The following AGFG1 variants were observed in gnomAD, a reference collection of about 807,000 sequenced individuals.
AGFG1 encodes arf-GAP domain and FG repeat-containing protein 1.
Under a neutral mutation model 60.6 loss-of-function variants are expected in AGFG1, and 10 were observed. The observed-to-expected ratio is 0.16, with a 90% CI of 0.10 to 0.28. AGFG1 has a LOEUF of 0.28. Ranked by LOEUF, AGFG1 falls within the 10% of genes least tolerant of loss-of-function variation. The probability of loss-of-function intolerance (pLI) is 1.00; values close to 1 mark genes in which losing one functional copy is unlikely to be tolerated. For missense variants in AGFG1, 537 were observed against 676.5 expected, an observed-to-expected ratio of 0.79 and a Z score of 2.29; for synonymous variants, 247 against 242.9, an observed-to-expected ratio of 1.02 and a Z score of -0.16.
rs1691894441 is a variant in AGFG1 at position 227,523,784 on chromosome 2, C to G, written c.399C>G (p.Ala133=). 1.9e-6 allele frequency: 3 copies of G among 1,613,078 alleles called. No individual in the cohort carries two copies. The highest frequency in any genetic ancestry group is 2.7e-5 in the African/African-American group (2 of 74,818). The change falls in exon 4 of 13, where the codon GCC becomes GCG. Residue 133 remains alanine (A), a synonymous_variant. Transcript: ENST00000310078. ...TTAGGTATGTCCCGCCAGAACAAGC[C>G]AAAGTCGTGGCATCAGTTCATGCAT... is the stretch of plus-strand genomic sequence containing the variant. The part of the protein sequence containing the change: ...KKRWYVPPEQ[A]KVVASVHASI...
intron 2 of AGFG1, among the ~76,000 whole-genome samples, chr2:227,505,456 G>A (rs1353220988): frequency 6.6e-6 from 1 of 151,928 alleles, no homozygotes; most frequent in African/African-American, 2.4e-5. Flanking sequence ...TTGCATGGAT[G>A]TTAGGCATTT....
At chr2:227,483,024 T>G (rs1049111925) in intron 1 of AGFG1, among the ~76,000 whole-genome samples, 5 of 150,696 alleles carry the variant, frequency 3.3e-5, no homozygotes, top group Non-Finnish European at 5.9e-5. Flanking sequence ...TTAAAATGTG[T>G]ATTTGAGGAT....
intron 2 of AGFG1, among the ~76,000 whole-genome samples, chr2:227,512,606 G>C (rs572588531): frequency 6.6e-6 from 1 of 152,076 alleles, no homozygotes; most frequent in Non-Finnish European, 1.5e-5. Flanking sequence ...TAATATGTTG[G>C]TAATAGAATT....
At chr2:227,472,813 A>G (rs1575052642) in intron 1 of AGFG1, among the ~76,000 whole-genome samples, 2 of 95,956 alleles carry the variant, frequency 2.1e-5, no homozygotes, top group African/African-American at 8.1e-5. Flanking sequence ...TTGCCGGGCG[A>G]GGGTTTACGT....
intron 2 of AGFG1, among the ~76,000 whole-genome samples, chr2:227,501,181 A>G (rs537397692): frequency 5.3e-5 from 8 of 152,296 alleles, no homozygotes; most frequent in African/African-American, 1.4e-4. Context: ...CCTGGATTCA[A>G]GAGATTCTCC....
chr2:227,484,685 TTTG>T lies in AGFG1; in HGVS notation c.168-6859_168-6857del, dbSNP rs1559167226. On this transcript the variant is annotated intron_variant, in intron 1 of 12. Transcript: ENST00000310078. Reference sequence around the variant, plus strand: ...TTAATGAAGATCTCTTAGTTTTTTTTTTGTTTTTTTTTTTTTTTTTTTTTTTTT... The same window carrying T: ...TTAATGAAGATCTCTTAGTTTTTTTTTTTTTTTTTTTTTTTTTTTTTTTTT... Among the ~76,000 whole-genome samples, 92 of 10,310 alleles carry T rather than the reference TTTG, an allele frequency of 8.9e-3. 1 individual carries two copies. The highest frequency in any genetic ancestry group is 0.014 in the East Asian group (4 of 280). The allele number at this position is 10,310 out of a possible 152,430, so 6.8% of individuals were successfully genotyped here.
At chr2:227,513,950 G>A (rs916110981) in intron 2 of AGFG1, among the ~76,000 whole-genome samples, 6 of 152,188 alleles carry the variant, frequency 3.9e-5, no homozygotes, top group African/African-American at 1.2e-4. Context: ...AAGTAAATGA[G>A]ACACATGCTC....
At chr2:227,511,246 C>G (rs1022934332) in intron 2 of AGFG1, among the ~76,000 whole-genome samples, 15 of 152,148 alleles carry the variant, frequency 9.9e-5, no homozygotes, top group Non-Finnish European at 2.1e-4. Flanking sequence ...AGATATGCCT[C>G]TAAAACAGGT....
chr2:227,505,890 A>T (rs564586230), intron 2 of AGFG1, among the ~76,000 whole-genome samples: 1 of 152,222 alleles, frequency 6.6e-6, no homozygotes, highest in South Asian at 2.1e-4. Flanking sequence ...GGCACCCGCC[A>T]CCATGCCTGG....
At chr2:227,550,613 T>G (rs777459668) in intron 10 of AGFG1, among the ~76,000 whole-genome samples, 5 of 152,206 alleles carry the variant, frequency 3.3e-5, no homozygotes, top group Non-Finnish European at 7.3e-5. Flanking sequence ...ATGGCCTGTT[T>G]TTCCTTTTTT....
At chr2:227,481,029 C>G (rs1202287257) in intron 1 of AGFG1, among the ~76,000 whole-genome samples, 1 of 144,416 alleles carries the variant, frequency 6.9e-6, no homozygotes, top group African/African-American at 2.6e-5. Flanking sequence ...GTAAGATCTT[C>G]TTTTCTTCCT....
At chr2:227,533,502 C>CT (rs1319656213) in intron 6 of AGFG1, 47 bp from the exon 7 acceptor site, 1 of 1,510,044 alleles carries the variant, frequency 6.6e-7, no homozygotes, top group South Asian at 1.1e-5. Flanking sequence ...TGAGAGGGTA[C>CT]TAGGAAAAGC....
At chr2:227,543,502 G>A (rs897546286) in intron 10 of AGFG1, among the ~76,000 whole-genome samples, 1 of 152,148 alleles carries the variant, frequency 6.6e-6, no homozygotes, top group African/African-American at 2.4e-5. Context: ...TAATTTGATT[G>A]CACTGTGGTC....
chr2:227,550,303 G>A (rs559309396), intron 10 of AGFG1, among the ~76,000 whole-genome samples: 1 of 152,294 alleles, frequency 6.6e-6, no homozygotes, highest in African/African-American at 2.4e-5. Context: ...TGATTTATGT[G>A]TAAATGCTGA....
rs376190303 is a variant in AGFG1 at position 227,533,679 on chromosome 2, A to G, written c.945A>G (p.Ser315=). ...HQTASAVSKV[S]TNKAGLQTAD... ...CAGCATCAGCTGTTAGTAAAGTTTCAACGAACAAAGCTGGTTTACAGACTG... is the reference window on the plus strand; with the variant it reads ...CAGCATCAGCTGTTAGTAAAGTTTCGACGAACAAAGCTGGTTTACAGACTG... The change falls in exon 7 of 13, where the codon TCA becomes TCG. Residue 315 remains serine, a synonymous_variant. Coordinates refer to ENST00000310078, the MANE Select transcript of AGFG1 (RefSeq NM_004504.5). 1.9e-5 allele frequency: 30 copies of G among 1,613,748 alleles called. No homozygotes were observed. Among genetic ancestry groups the G allele is most frequent in the Non-Finnish European group, 2.4e-5 (28 of 1,179,844 alleles).
At chr2:227,478,623 C>T (rs1324003652) in intron 1 of AGFG1, among the ~76,000 whole-genome samples, 4 of 152,176 alleles carry the variant, frequency 2.6e-5, no homozygotes, top group Admixed American at 6.6e-5. Flanking sequence ...CGTGAATTAC[C>T]ATGCCCTGCC....
intron 2 of AGFG1, among the ~76,000 whole-genome samples, chr2:227,493,041 CAG>C (rs889630205): frequency 1.4e-4 from 21 of 152,012 alleles, no homozygotes; most frequent in African/African-American, 4.8e-4. Context: ...TAGGTAAAAA[CAG>C]AGTAGCAAAA....
At chr2:227,511,564 A>G (rs1009895836) in intron 2 of AGFG1, among the ~76,000 whole-genome samples, 10 of 152,204 alleles carry the variant, frequency 6.6e-5, no homozygotes, top group Admixed American at 5.9e-4. Flanking sequence ...AATTTGGATC[A>G]GTGAATTTAT....
At chr2:227,472,889 GCGTCCCTGGTCTC>G (rs1164789668) in intron 1 of AGFG1, among the ~76,000 whole-genome samples, 1 of 151,490 alleles carries the variant, frequency 6.6e-6, no homozygotes, top group African/African-American at 2.4e-5. Context: ...ACCGGGGCGA[GCGTCCCTGGTCTC>G]CGTCGAGCCT....
Sources: gnomAD v4.1 joint callset for allele counts (sites outside exome capture counted in the v4.1 genomes callset) on GRCh38, gnomAD v4.1.1 for gene constraint, MANE v1.5 for transcripts, NCBI Gene and HGNC (gene_info 2026-07-23, HGNC 2026-07-21) for gene names.